Variants in MPZL1 observed in about 807,000 individuals in gnomAD.
MPZL1 encodes the protein myelin protein zero-like protein 1.
MPZL1 carries 16 observed loss-of-function variants against 29.3 expected under a neutral mutation model. The ratio of observed to expected loss-of-function variants is 0.55; its 90% CI spans 0.37 to 0.83. MPZL1 has a LOEUF of 0.83. MPZL1 is among the 40% of genes least tolerant of loss of function. The pLI, the probability that MPZL1 is intolerant of heterozygous loss-of-function variation, is 0.00. For synonymous variants in MPZL1, 143 were observed against 132.0 expected (o/e 1.08, Z -0.57); for missense variants, 279 against 332.9 (o/e 0.84, Z 1.26).
intron 2 of MPZL1, among the ~76,000 whole-genome samples, chr1:167,768,552 C>T (rs533308361): frequency 6.6e-6 from 1 of 152,278 alleles, no homozygotes; most frequent in African/African-American, 2.4e-5. Context: ...ATAGCTTTAG[C>T]ACCATGGCTT....
chr1:167,789,979 GC>G lies in MPZL1; in HGVS notation c.*2060del, dbSNP rs1661673275. 1 of 152,248 alleles carries G rather than the reference GC, an allele frequency of 6.6e-6. No homozygotes were observed. Among genetic ancestry groups the G allele is most frequent in the South Asian group, 2.1e-4 (1 of 4,834 alleles). 9.4% of individuals were successfully genotyped at this position (152,248 alleles called of 1,614,324 possible). A position where few individuals can be genotyped will look rare whatever the true frequency, so the allele number is the denominator to read the frequency against. ...TCCTTCAAGCTGAGACTCCTGGTGAGCCTTTGCCACCATGAAAACCACATAG... is the reference window on the plus strand; with the variant it reads ...TCCTTCAAGCTGAGACTCCTGGTGAGCTTTGCCACCATGAAAACCACATAG... On this transcript the variant is annotated 3_prime_UTR_variant, in exon 6 of 6. Coordinates refer to ENST00000359523, the MANE Select transcript of MPZL1 (RefSeq NM_003953.6).
chr1:167,743,850 AAAC>A (rs1163074293), intron 1 of MPZL1, among the ~76,000 whole-genome samples: 4 of 152,052 alleles, frequency 2.6e-5, no homozygotes, highest in African/African-American at 9.7e-5. Flanking sequence ...TATCATCAGC[AAAC>A]AACAACAGTT....
chr1:167,772,655 G>A (rs1455437691), intron 3 of MPZL1, among the ~76,000 whole-genome samples, 167 bp downstream of exon 3: 3 of 152,142 alleles, frequency 2.0e-5, no homozygotes, highest in Non-Finnish European at 2.9e-5. Flanking sequence ...ACTTGGAGCT[G>A]GGAAACTTGT....
rs12071420 is a variant in MPZL1, at chr1:167,790,928, T to G, written c.*3007T>G. 0.35 allele frequency: 53,777 copies of G among 152,088 alleles called. 9,794 individuals carry two copies. Among genetic ancestry groups the G allele is most frequent in the Non-Finnish European group, 0.41 (27,998 of 67,976 alleles). 9.4% of individuals were successfully genotyped at this position (152,088 alleles called of 1,614,324 possible). A position where few individuals can be genotyped will look rare whatever the true frequency, so the allele number is the denominator to read the frequency against. On this transcript the variant is annotated 3_prime_UTR_variant, in exon 6 of 6. Coordinates refer to ENST00000359523, the MANE Select transcript of MPZL1 (RefSeq NM_003953.6). ...CTTTTCTTCAAAAATGCCGTCCGTG[T>G]GCCTGCTTCTGGGCCTTTGCACATG...
At chr1:167,729,823 A>G (rs1174565706) in intron 1 of MPZL1, among the ~76,000 whole-genome samples, 1 of 152,194 alleles carries the variant, frequency 6.6e-6, no homozygotes, top group Non-Finnish European at 1.5e-5. Context: ...CGATTTACTT[A>G]TATACTCCTC....
intron 1 of MPZL1, among the ~76,000 whole-genome samples, chr1:167,737,722 A>G (rs1027264177): frequency 1.3e-5 from 2 of 152,212 alleles, no homozygotes; most frequent in African/African-American, 2.4e-5. Flanking sequence ...TGGATTAGTT[A>G]CATTACCTCT....
chr1:167,725,207 T>C (rs190658597), intron 1 of MPZL1, among the ~76,000 whole-genome samples: 39 of 152,336 alleles, frequency 2.6e-4, no homozygotes, highest in Admixed American at 2.2e-3. Context: ...ATGTTTTTTC[T>C]ACCTCCACTC....
At chr1:167,758,719 G>A (rs982024457) in intron 1 of MPZL1, among the ~76,000 whole-genome samples, 8 of 152,114 alleles carry the variant, frequency 5.3e-5, no homozygotes, top group Non-Finnish European at 1.0e-4. Context: ...AAGGGTCAGT[G>A]TCACTTCATT....
rs145092452 is a variant in MPZL1 at position 167,787,334 on chromosome 1, A to G, written c.709-486A>G. On this transcript the variant is annotated intron_variant, in intron 5 of 5. Transcript: ENST00000359523. ...TTTGTTTAAAACTATACCTATTTGT[A>G]TAACGTGACCAGATCAAATTGATTG... The G allele has an allele frequency of 3.5e-3, 541 of 153,376 alleles. 13 individuals carry two copies. Among genetic ancestry groups the G allele is most frequent in the Admixed American group, 0.031 (475 of 15,398 alleles). 9.5% of individuals were successfully genotyped at this position (153,376 alleles called of 1,614,324 possible).
chr1:167,739,284 T>TATATATATATATATATATATATAC (rs1558110563), intron 1 of MPZL1, among the ~76,000 whole-genome samples: 3 of 73,998 alleles, frequency 4.1e-5, no homozygotes, highest in Non-Finnish European at 8.8e-5. Context: ...CATATATACA[T>TATATATATATATATATATATATAC]ATATATATAT....
chr1:167,791,769 C>A lies in MPZL1; in HGVS notation c.*3848C>A, dbSNP rs1661720350. ...GTCCCTTAGGAGCTGGTTAGAGAGT[C>A]CCTTAGGAACTTGAGAGGGTAGTGT... On this transcript the variant is annotated 3_prime_UTR_variant, in exon 6 of 6. Coordinates refer to ENST00000359523, the MANE Select transcript of MPZL1 (RefSeq NM_003953.6). The A allele has an allele frequency of 6.6e-6, 1 of 152,112 alleles. No individual in the cohort carries two copies. The highest frequency in any genetic ancestry group is 2.1e-4 in the South Asian group (1 of 4,812). The allele number at this position is 152,112 out of a possible 1,614,324, so 9.4% of individuals were successfully genotyped here. A position where few individuals can be genotyped will look rare whatever the true frequency, so the allele number is the denominator to read the frequency against.
intron 1 of MPZL1, among the ~76,000 whole-genome samples, chr1:167,742,586 G>A (rs1168576506): frequency 6.6e-6 from 1 of 152,118 alleles, no homozygotes; most frequent in Non-Finnish European, 1.5e-5. Context: ...CACTCTGTGG[G>A]TTGTCTGTTT....
chr1:167,737,975 G>T (rs1024605208), intron 1 of MPZL1, among the ~76,000 whole-genome samples: 3 of 152,100 alleles, frequency 2.0e-5, no homozygotes, highest in African/African-American at 7.2e-5. Context: ...GCTCAGGCTG[G>T]AGTGCAGTGG....
At chr1:167,735,904 C>T (rs1660369218) in intron 1 of MPZL1, among the ~76,000 whole-genome samples, 2 of 148,514 alleles carry the variant, frequency 1.3e-5, no homozygotes, top group South Asian at 4.3e-4. Flanking sequence ...ATTGTGGTTT[C>T]CCATGATTGT....
rs1161469215 is a variant in MPZL1, at chr1:167,741,183, AT to A, written c.91+18961del. On this transcript the variant is annotated intron_variant, in intron 1 of 5. Transcript: ENST00000359523. Reference sequence around the variant, plus strand: ...AGGCATGTGCCACCACGCCTGGCTAATTTTTTTTTTTTTTTTTTTTAGAGAT... The same window carrying A: ...AGGCATGTGCCACCACGCCTGGCTAATTTTTTTTTTTTTTTTTTTAGAGAT... Among the ~76,000 whole-genome samples the A allele has an allele frequency of 7.5e-3, 973 of 130,218 alleles. 2 individuals are homozygous for A. The highest frequency in any genetic ancestry group is 0.016 in the Middle Eastern group (4 of 256). 85.4% of individuals were successfully genotyped at this position (130,218 alleles called of 152,430 possible).
In MPZL1 at chr1:167,750,286, C is replaced by T. The variant is rs182843231; in HGVS notation, c.92-15297C>T. On this transcript the variant is annotated intron_variant, in intron 1 of 5. Coordinates refer to ENST00000359523, the MANE Select transcript of MPZL1 (RefSeq NM_003953.6). ...CGCGATCTCAGCTCATTGCAACCTCCGCCTCCAGGGTTCAAGCAATTCTCC... is the reference window on the plus strand; with the variant it reads ...CGCGATCTCAGCTCATTGCAACCTCTGCCTCCAGGGTTCAAGCAATTCTCC... Among the ~76,000 whole-genome samples the T allele has an allele frequency of 1.1e-4, 17 of 152,196 alleles. No individual in the cohort carries two copies. The East Asian group carries it at 1.5e-3, about 14-fold the overall frequency.
Position 167,727,872 on chromosome 1 carries a change from C to CTTTTTTT in MPZL1, c.91+5638_91+5644dup, listed in dbSNP as rs748327482. Among the ~76,000 whole-genome samples, 4 of 137,752 alleles carry CTTTTTTT rather than the reference C, an allele frequency of 2.9e-5. 1 individual carries two copies. The highest frequency in any genetic ancestry group is 1.1e-4 in the African/African-American group (4 of 36,508). The allele number at this position is 137,752 out of a possible 152,430, so 90.4% of individuals were successfully genotyped here. On this transcript the variant is annotated intron_variant, in intron 1 of 5. Transcript: ENST00000359523. Reference sequence around the variant, plus strand: ...TTCATTATCTTTTTTCTTTCTTTTCCTTTTTTTTTTTTTTGAGACAGAGTC... The same window carrying CTTTTTTT: ...TTCATTATCTTTTTTCTTTCTTTTCCTTTTTTTTTTTTTTTTTTTTTGAGACAGAGTC...
chr1:167,786,728 T>TG (rs1366175932), intron 5 of MPZL1, among the ~76,000 whole-genome samples: 3 of 152,214 alleles, frequency 2.0e-5, no homozygotes, highest in Non-Finnish European at 4.4e-5. Flanking sequence ...GGCTCCTGGA[T>TG]GAGGGTAAGT....
intron 5 of MPZL1, among the ~76,000 whole-genome samples, chr1:167,783,764 T>C (rs1558126787): frequency 6.6e-6 from 1 of 152,214 alleles, no homozygotes; most frequent in Non-Finnish European, 1.5e-5. Flanking sequence ...TCACCTCTGC[T>C]TTGATAATCA....
Sources: gnomAD v4.1 joint callset for allele counts (sites outside exome capture counted in the v4.1 genomes callset) on GRCh38, gnomAD v4.1.1 for gene constraint, MANE v1.5 for transcripts, NCBI Gene and HGNC (gene_info 2026-07-23, HGNC 2026-07-21) for gene names.